Variants in ABCD3 observed in about 807,000 individuals in gnomAD.
The protein encoded by ABCD3 is ATP binding cassette subfamily D member 3.
ABCD3 carries 41 observed loss-of-function variants against 105.5 expected under a neutral mutation model. The observed-to-expected ratio is 0.39, with a 90% CI of 0.30 to 0.50. ABCD3 has a LOEUF of 0.50. Ranked by LOEUF, ABCD3 falls within the 20% of genes least tolerant of loss-of-function variation. The probability of loss-of-function intolerance (pLI) is 0.84; values close to 1 mark genes in which losing one functional copy is unlikely to be tolerated. For missense variants in ABCD3, 622 were observed against 806.3 expected, an observed-to-expected ratio of 0.77 and a Z score of 2.77; for synonymous variants, 258 against 269.0, an observed-to-expected ratio of 0.96 and a Z score of 0.40.
chr1:94,448,370 CTG>C (rs1660438014), intron 1 of ABCD3, among the ~76,000 whole-genome samples: 1 of 152,224 alleles, frequency 6.6e-6, no homozygotes, highest in Non-Finnish European at 1.5e-5. Context: ...TAAAACGAAA[CTG>C]TTTCAATTTT....
chr1:94,413,981 C>T (rs776065438), upstream of ABCD3, among the ~76,000 whole-genome samples: 2 of 151,908 alleles, frequency 1.3e-5, no homozygotes, highest in South Asian at 2.1e-4. Context: ...CTGAGTTGAA[C>T]GTGAGGATGT....
intron 21 of ABCD3, among the ~76,000 whole-genome samples, chr1:94,507,142 T>C (rs150705707): frequency 6.6e-6 from 1 of 150,502 alleles, no homozygotes; most frequent in Non-Finnish European, 1.5e-5. Context: ...CCTCCCCCCT[T>C]CCCCCACCCC....
chr1:94,418,421 A>AGCCGCC lies in ABCD3; in HGVS notation c.-40_-35dup, dbSNP rs527684035. On this transcript the variant is annotated 5_prime_UTR_variant, in exon 1 of 23. Transcript: ENST00000370214. ...TCCCCCGCGCTGCGTGCAGTAAGGT[A>AGCCGCC]GCCGCCGCCGCCGCCGCCGCCGCGT... 0.013 allele frequency: 17,670 copies of AGCCGCC among 1,405,212 alleles called. 119 individuals carry two copies. The highest frequency in any genetic ancestry group is 0.019 in the Middle Eastern group (85 of 4,440). The allele number at this position is 1,405,212 out of a possible 1,614,324, so 87.0% of individuals were successfully genotyped here.
At chr1:94,496,745 G>A (rs898523113) in intron 16 of ABCD3, among the ~76,000 whole-genome samples, 1 of 41,942 alleles carries the variant, frequency 2.4e-5, no homozygotes. Flanking sequence ...CTACATTCCT[G>A]CTTCAGTGCC....
chr1:94,388,746 G>A, the ABCD3 span, among the ~76,000 whole-genome samples: 19 of 152,090 alleles, frequency 1.2e-4, no homozygotes, highest in Admixed American at 4.6e-4. Context: ...TCCTCCAAAC[G>A]CCAGAGTCTT....
At position 94,483,247 on chromosome 1, in the gene ABCD3, A is replaced by G. The variant is rs1649111194; in HGVS notation, c.897+8A>G. 2 of 1,609,362 alleles carry G rather than the reference A, an allele frequency of 1.2e-6. No homozygotes were observed. Among genetic ancestry groups the G allele is most frequent in the Admixed American group, 3.3e-5 (2 of 59,974 alleles). On this transcript the variant is annotated splice_region_variant and intron_variant, in intron 10 of 22. Coordinates refer to ENST00000370214, the MANE Select transcript of ABCD3 (RefSeq NM_002858.4). ...TCAGTCTTCCGAAAACTGGTAAGAT[A>G]ACACACTTGAGGTTCATGTGTTTAT... is the stretch of plus-strand genomic sequence containing the variant.
At chr1:94,419,753 G>T (rs1659183557) in intron 1 of ABCD3, among the ~76,000 whole-genome samples, 1 of 152,098 alleles carries the variant, frequency 6.6e-6, no homozygotes, top group South Asian at 2.1e-4. Context: ...TATCTTACTA[G>T]AGTCTGAAGT....
chr1:94,484,475 T>C (rs1409342400), intron 10 of ABCD3, among the ~76,000 whole-genome samples: 1 of 152,254 alleles, frequency 6.6e-6, no homozygotes, highest in Non-Finnish European at 1.5e-5. Context: ...TATGAGTTCA[T>C]GTCCTTTGTG....
chr1:94,434,967 G>A (rs1051292628), intron 1 of ABCD3, among the ~76,000 whole-genome samples: 1 of 151,644 alleles, frequency 6.6e-6, no homozygotes, highest in African/African-American at 2.4e-5. Flanking sequence ...TAATTTAGTT[G>A]TGTTTGTGGT....
At chr1:94,501,539 T>C (rs1650100493) in intron 20 of ABCD3, among the ~76,000 whole-genome samples, 1 of 152,124 alleles carries the variant, frequency 6.6e-6, no homozygotes, top group Non-Finnish European at 1.5e-5. Context: ...GGATTGAAAA[T>C]TACCAAAGTA....
chr1:94,416,648 T>A (rs1044096858), upstream of ABCD3, among the ~76,000 whole-genome samples: 1 of 152,130 alleles, frequency 6.6e-6, no homozygotes, highest in Non-Finnish European at 1.5e-5. Context: ...GATATTAGGA[T>A]CCCTATTCCT....
At chr1:94,432,733 T>TA (rs762338430) in intron 1 of ABCD3, 10 of 152,206 alleles carry the variant, frequency 6.6e-5, no homozygotes, top group Admixed American at 6.5e-5. Context: ...ATTCAGGGGT[T>TA]AAAAAAGGTT....
intron 8 of ABCD3, among the ~76,000 whole-genome samples, chr1:94,479,088 G>C (rs1266935337): frequency 6.6e-6 from 1 of 152,080 alleles, no homozygotes; most frequent in Non-Finnish European, 1.5e-5. Flanking sequence ...TTCCATACTG[G>C]TTTTTGTTGC....
At chr1:94,477,014 T>G (rs1648779556) in intron 7 of ABCD3, among the ~76,000 whole-genome samples, 1 of 151,910 alleles carries the variant, frequency 6.6e-6, no homozygotes, top group African/African-American at 2.4e-5. Flanking sequence ...CTTTAAATCT[T>G]GGCACTTGAG....
At chr1:94,504,771 T>A (rs1650269478) in intron 20 of ABCD3, among the ~76,000 whole-genome samples, 2 of 152,114 alleles carry the variant, frequency 1.3e-5, no homozygotes, top group Admixed American at 6.5e-5. Context: ...TCTGGTTACA[T>A]GGAGAGTGGA....
intron 1 of ABCD3, among the ~76,000 whole-genome samples, chr1:94,435,433 G>A (rs573720262): frequency 2.0e-5 from 3 of 152,244 alleles, no homozygotes; most frequent in African/African-American, 7.2e-5. Flanking sequence ...TCCAGCTACT[G>A]AGGTGGGAGG....
chr1:94,409,651 T>G, the ABCD3 span, among the ~76,000 whole-genome samples: 1 of 152,224 alleles, frequency 6.6e-6, no homozygotes, highest in African/African-American at 2.4e-5. Flanking sequence ...TGGCTTTTCA[T>G]AGCTTTTTAT....
intron 1 of ABCD3, among the ~76,000 whole-genome samples, chr1:94,451,345 T>C (rs896245150): frequency 2.6e-5 from 4 of 152,230 alleles, no homozygotes; most frequent in Non-Finnish European, 5.9e-5. Flanking sequence ...AGATTTTATT[T>C]AAAATTACTT....
At chr1:94,461,341 GA>G (rs1345622505) in intron 2 of ABCD3, among the ~76,000 whole-genome samples, 1 of 151,664 alleles carries the variant, frequency 6.6e-6, no homozygotes, top group African/African-American at 2.4e-5. Context: ...TTTTAAGGAG[GA>G]AAAAAGAATT....
Sources: allele counts gnomAD v4.1 joint callset (sites outside exome capture counted in the v4.1 genomes callset), GRCh38; gene constraint gnomAD v4.1.1; transcripts MANE v1.5; gene names NCBI Gene and HGNC (gene_info 2026-07-23, HGNC 2026-07-21).